The following CFAP299 variants were observed in gnomAD, a reference collection of about 807,000 sequenced individuals.
CFAP299 encodes cilia and flagella associated protein 299.
Under a neutral mutation model 27.0 loss-of-function variants are expected in CFAP299, and 21 were observed. That is an observed-to-expected ratio of 0.78 (90% CI 0.55 to 1.12). The LOEUF (loss-of-function observed/expected upper bound fraction) is 1.12, where lower values mean the gene tolerates loss of function less well. Ranked by LOEUF, CFAP299 falls within the 50% of genes most tolerant of loss-of-function variation. CFAP299 has a pLI of 0.00. For synonymous variants in CFAP299, 104 were observed against 98.1 expected (o/e 1.06, Z -0.36); for missense variants, 310 against 276.6 (o/e 1.12, Z -0.86).
chr4:80,789,497 T>C (rs754031747), intron 3 of CFAP299, among the ~76,000 whole-genome samples: 7 of 152,082 alleles, frequency 4.6e-5, no homozygotes, highest in Non-Finnish European at 8.8e-5. Flanking sequence ...ATCAAATTAC[T>C]AGACGATTTT....
intron 3 of CFAP299, among the ~76,000 whole-genome samples, chr4:80,585,735 A>T (rs1386670104): frequency 6.6e-6 from 1 of 152,182 alleles, no homozygotes; most frequent in African/African-American, 2.4e-5. Context: ...GTGTGTCTCC[A>T]TAGAGATAGG....
intron 3 of CFAP299, among the ~76,000 whole-genome samples, chr4:80,769,007 A>G (rs902159917): frequency 6.6e-6 from 1 of 152,240 alleles, no homozygotes; most frequent in African/African-American, 2.4e-5. Flanking sequence ...GAGGTGCAGC[A>G]ATGCTTTCCA....
chr4:80,355,605 C>A (rs893546211), intron 1 of CFAP299, among the ~76,000 whole-genome samples: 12 of 152,050 alleles, frequency 7.9e-5, no homozygotes, highest in African/African-American at 2.7e-4. Context: ...ATCCATCTGC[C>A]TCGGCCTCCC....
intron 3 of CFAP299, among the ~76,000 whole-genome samples, chr4:80,603,242 A>G (rs934198977): frequency 6.6e-6 from 1 of 152,332 alleles, no homozygotes; most frequent in Non-Finnish European, 1.5e-5. Flanking sequence ...ATACTATAAC[A>G]TATTTCTTAA....
chr4:80,369,299 A>G (rs1246580294), intron 2 of CFAP299, among the ~76,000 whole-genome samples: 2 of 152,220 alleles, frequency 1.3e-5, no homozygotes, highest in South Asian at 2.1e-4. Context: ...CAGAGCATAA[A>G]GGCCTCTCTT....
intron 4 of CFAP299, among the ~76,000 whole-genome samples, chr4:80,895,503 A>G (rs1734570769): frequency 6.6e-6 from 1 of 152,032 alleles, no homozygotes; most frequent in South Asian, 2.1e-4. Flanking sequence ...TTCTGAATAT[A>G]TGCCTTTACA....
intron 2 of CFAP299, among the ~76,000 whole-genome samples, chr4:80,380,487 G>GC: frequency 6.9e-6 from 1 of 144,376 alleles, no homozygotes; most frequent in South Asian, 2.2e-4. Context: ...GAGTGCAGTG[G>GC]CATGATCTTG....
At chr4:80,366,415 G>A (rs1413433790) in intron 2 of CFAP299, among the ~76,000 whole-genome samples, 1 of 152,144 alleles carries the variant, frequency 6.6e-6, no homozygotes, top group Non-Finnish European at 1.5e-5. Context: ...AAAGATATCA[G>A]GAAGGTATAT....
At chr4:80,399,451 T>A (rs1266299797) in intron 2 of CFAP299, among the ~76,000 whole-genome samples, 3 of 152,056 alleles carry the variant, frequency 2.0e-5, no homozygotes, top group Non-Finnish European at 2.9e-5. Context: ...CAAATGTCCA[T>A]CAATGATAGA....
chr4:80,813,090 A>G (rs1166641738), intron 3 of CFAP299, among the ~76,000 whole-genome samples: 5 of 152,096 alleles, frequency 3.3e-5, no homozygotes, highest in Admixed American at 2.6e-4. Context: ...ACAATTTGAA[A>G]CTATTTTCAC....
intron 2 of CFAP299, among the ~76,000 whole-genome samples, chr4:80,487,510 A>G (rs534574124): frequency 6.6e-6 from 1 of 152,290 alleles, no homozygotes; most frequent in South Asian, 2.1e-4. Context: ...CATTCACCAT[A>G]TTCTCCTTAA....
chr4:80,855,313 T>C (rs2110151896), intron 3 of CFAP299, among the ~76,000 whole-genome samples: 1 of 152,282 alleles, frequency 6.6e-6, no homozygotes, highest in South Asian at 2.1e-4. Context: ...GTAATTATTG[T>C]AGCTATTTTG....
At chr4:80,350,150 T>A (rs1722949293) in intron 1 of CFAP299, among the ~76,000 whole-genome samples, 1 of 152,092 alleles carries the variant, frequency 6.6e-6, no homozygotes, top group Non-Finnish European at 1.5e-5. Context: ...TACATTTAAA[T>A]GGAGTCCAAA....
chr4:80,778,387 T>C (rs1324537069), intron 3 of CFAP299, among the ~76,000 whole-genome samples: 3 of 152,158 alleles, frequency 2.0e-5, no homozygotes, highest in Non-Finnish European at 2.9e-5. Context: ...GCAATTTGTT[T>C]GGGCTGCACC....
At chr4:80,396,172 T>C (rs1484583876) in intron 2 of CFAP299, among the ~76,000 whole-genome samples, 1 of 152,168 alleles carries the variant, frequency 6.6e-6, no homozygotes, top group Non-Finnish European at 1.5e-5. Flanking sequence ...GAAAATTCTT[T>C]AAAATATAAC....
rs1733939983 is a variant in CFAP299 at position 80,540,329 on chromosome 4, G to A, written c.243-42764G>A. On this transcript the variant is annotated intron_variant, in intron 2 of 5. Transcript: ENST00000358105. ...ATGAAAATATTCTTTAACCATTTTA[G>A]GATTAATGAAACGTTCCTAGTTTGA... Among the ~76,000 whole-genome samples, 2 of 152,090 alleles carry A rather than the reference G, an allele frequency of 1.3e-5. 1 individual carries two copies. The highest frequency in any genetic ancestry group is 4.8e-5 in the African/African-American group (2 of 41,408).
intron 4 of CFAP299, among the ~76,000 whole-genome samples, chr4:80,904,989 G>A (rs1017397530): frequency 6.6e-6 from 1 of 152,116 alleles, no homozygotes; most frequent in Non-Finnish European, 1.5e-5. Flanking sequence ...AAGCTTACAT[G>A]CAAATATCCA....
chr4:80,447,622 T>TTTTTATG (rs1373146012), intron 2 of CFAP299, among the ~76,000 whole-genome samples: 1 of 151,848 alleles, frequency 6.6e-6, no homozygotes, highest in African/African-American at 2.4e-5. Flanking sequence ...GCCCTGCTAA[T>TTTTTATG]TTTTATGTTT....
intron 2 of CFAP299, among the ~76,000 whole-genome samples, chr4:80,492,736 C>G (rs1731201941): frequency 2.0e-5 from 3 of 152,120 alleles, no homozygotes; most frequent in Admixed American, 1.3e-4. Flanking sequence ...TTGTTGCTTA[C>G]AGTTCCTAGG....
Sources: allele counts gnomAD v4.1 joint callset (sites outside exome capture counted in the v4.1 genomes callset), GRCh38; gene constraint gnomAD v4.1.1; transcripts MANE v1.5; gene names NCBI Gene and HGNC (gene_info 2026-07-23, HGNC 2026-07-21).